CSMD1: variants seen among roughly 807,000 people sequenced by gnomAD.
CSMD1 encodes the protein CUB and Sushi multiple domains 1, also known as CUB and sushi domain-containing protein 1.
CSMD1 carries 213 observed loss-of-function variants against 417.5 expected under a neutral mutation model. The observed-to-expected ratio is 0.51, with a 90% CI of 0.46 to 0.57. The LOEUF (loss-of-function observed/expected upper bound fraction) is 0.57, where lower values mean the gene tolerates loss of function less well. Ranked by LOEUF, CSMD1 falls within the 20% of genes least tolerant of loss-of-function variation. The pLI is 0.00. For synonymous variants in CSMD1, 2,862 were observed against 1,736.8 expected (o/e 1.65, Z -16.11); for missense variants, 6,923 against 4,529.7 (o/e 1.53, Z -15.17).
intron 3 of CSMD1, among the ~76,000 whole-genome samples, chr8:4,125,597 G>A (rs959340155): frequency 1.3e-5 from 2 of 152,202 alleles, no homozygotes; most frequent in Non-Finnish European, 2.9e-5. Context: ...TGCCTTTGCA[G>A]AATTATAACT....
intron 3 of CSMD1, among the ~76,000 whole-genome samples, chr8:4,254,063 C>G (rs1350883751): frequency 6.6e-6 from 1 of 151,674 alleles, no homozygotes; most frequent in East Asian, 1.9e-4. Flanking sequence ...ACTACTGGTG[C>G]CCACCACCAC....
chr8:4,914,810 T>A (rs575285464), intron 1 of CSMD1, among the ~76,000 whole-genome samples: 2 of 152,306 alleles, frequency 1.3e-5, no homozygotes, highest in East Asian at 3.9e-4. Flanking sequence ...AAGACAAAGC[T>A]GTGGCAGAGG....
intron 7 of CSMD1, among the ~76,000 whole-genome samples, chr8:3,660,057 C>A (rs993734047): frequency 1.3e-5 from 2 of 152,124 alleles, no homozygotes; most frequent in South Asian, 2.1e-4. Flanking sequence ...TTCAGCAACA[C>A]GCTATGAAGT....
At chr8:3,665,561 G>A (rs1408710791) in intron 7 of CSMD1, among the ~76,000 whole-genome samples, 2 of 152,024 alleles carry the variant, frequency 1.3e-5, no homozygotes, top group Non-Finnish European at 2.9e-5. Flanking sequence ...AAAATAATTA[G>A]TATCTTGATT....
intron 5 of CSMD1, among the ~76,000 whole-genome samples, chr8:3,912,064 G>T (rs570579986): frequency 4.6e-5 from 7 of 152,132 alleles, no homozygotes; most frequent in Admixed American, 4.6e-4. Context: ...TTTTATATTT[G>T]ACTGAGTCTT....
At chr8:3,567,417 T>C (rs1247363101) in intron 10 of CSMD1, among the ~76,000 whole-genome samples, 2 of 139,710 alleles carry the variant, frequency 1.4e-5, no homozygotes, top group Admixed American at 1.5e-4. Context: ...TAACCTAAAA[T>C]AAAAGTTTTA....
intron 1 of CSMD1, among the ~76,000 whole-genome samples, chr8:4,760,227 A>T (rs1033025349): frequency 2.0e-5 from 3 of 152,212 alleles, no homozygotes; most frequent in African/African-American, 7.2e-5. Context: ...CTATTGTTAT[A>T]TGCACTATTT....
At chr8:4,600,695 T>C (rs1468311467) in intron 2 of CSMD1, among the ~76,000 whole-genome samples, 1 of 152,150 alleles carries the variant, frequency 6.6e-6, no homozygotes, top group Admixed American at 6.5e-5. Flanking sequence ...AATAGGGGAA[T>C]GGCATTCTTT....
chr8:4,152,524 C>A (rs372837335), intron 3 of CSMD1, among the ~76,000 whole-genome samples: 20 of 139,444 alleles, frequency 1.4e-4, no homozygotes, highest in South Asian at 2.3e-4. Context: ...CAGAGAGTAC[C>A]AAAAAAAAAA....
chr8:4,818,812 A>G (rs1450525833), intron 1 of CSMD1, among the ~76,000 whole-genome samples: 1 of 152,220 alleles, frequency 6.6e-6, no homozygotes, highest in Non-Finnish European at 1.5e-5. Flanking sequence ...ATTTCATTAG[A>G]GACTCACCAT....
chr8:4,055,537 AG>A (rs1464312508), intron 3 of CSMD1, among the ~76,000 whole-genome samples: 11 of 141,332 alleles, frequency 7.8e-5, no homozygotes, highest in Non-Finnish European at 1.3e-4. Flanking sequence ...AATAATGTCA[AG>A]AATTTTAATG....
chr8:3,373,916 T>A (rs538601445), intron 18 of CSMD1, among the ~76,000 whole-genome samples: 1 of 151,898 alleles, frequency 6.6e-6, no homozygotes, highest in Admixed American at 6.6e-5. Flanking sequence ...TACGTTGTGA[T>A]ATTTTCCTGG....
chr8:4,143,164 G>T (rs116450397), intron 3 of CSMD1, among the ~76,000 whole-genome samples: 5 of 151,122 alleles, frequency 3.3e-5, no homozygotes, highest in East Asian at 3.9e-4. Flanking sequence ...ACTAGCAAAT[G>T]TGAGTGTTCA....
intron 7 of CSMD1, among the ~76,000 whole-genome samples, chr8:3,690,494 C>T (rs1257233061): frequency 1.3e-5 from 2 of 152,350 alleles, no homozygotes; most frequent in African/African-American, 2.4e-5. Flanking sequence ...AATACAATGT[C>T]TGTACTAACT....
Position 2,939,445 on chromosome 8 carries a change from T to G in CSMD1, c.10536-701A>C, listed in dbSNP as rs191139900. 3.3e-3 allele frequency among the ~76,000 whole-genome samples: 504 copies of G among 152,322 alleles called. 3 individuals carry two copies. The highest frequency in any genetic ancestry group is 0.031 in the Middle Eastern group (9 of 294). On this transcript the variant is annotated intron_variant, in intron 69 of 69. Coordinates refer to ENST00000635120, the MANE Select transcript of CSMD1 (RefSeq NM_033225.6). ...ATTAAACTGTTGTCACATTTTCTGGTTAAAAGAAAACCCCTACGTACAATC... is the reference window on the plus strand; with the variant it reads ...ATTAAACTGTTGTCACATTTTCTGGGTAAAAGAAAACCCCTACGTACAATC...
chr8:4,203,435 C>T (rs999623814), intron 3 of CSMD1, among the ~76,000 whole-genome samples: 1 of 151,972 alleles, frequency 6.6e-6, no homozygotes, highest in Non-Finnish European at 1.5e-5. Context: ...TCACAGCAGC[C>T]AGAAAAAAAT....
At chr8:3,318,304 C>A (rs1805915235) in intron 23 of CSMD1, among the ~76,000 whole-genome samples, 2 of 152,122 alleles carry the variant, frequency 1.3e-5, no homozygotes, top group Non-Finnish European at 2.9e-5. Flanking sequence ...TAGAAAATCT[C>A]TGTAGTTCTC....
chr8:3,023,417 A>G (rs1055861516), intron 51 of CSMD1, among the ~76,000 whole-genome samples: 33 of 152,338 alleles, frequency 2.2e-4, no homozygotes, highest in Admixed American at 1.3e-3. Flanking sequence ...AATAAATGTA[A>G]TAAGACAAGA....
chr8:4,384,849 T>TG (rs1413306015), intron 3 of CSMD1, among the ~76,000 whole-genome samples: 2 of 151,978 alleles, frequency 1.3e-5, no homozygotes, highest in Admixed American at 1.3e-4. Context: ...AAGAGGCTAC[T>TG]GTTTGATCTT....
Sources: allele counts gnomAD v4.1 joint callset (sites outside exome capture counted in the v4.1 genomes callset), GRCh38; gene constraint gnomAD v4.1.1; transcripts MANE v1.5; gene names NCBI Gene and HGNC (gene_info 2026-07-23, HGNC 2026-07-21).